The following STXBP5L variants were observed in gnomAD, a reference collection of about 807,000 sequenced individuals.
The protein encoded by STXBP5L is syntaxin binding protein 5L.
In STXBP5L, 65 loss-of-function variants were observed where a neutral mutation model predicts 144.5. The observed-to-expected ratio is 0.45, with a 90% CI of 0.37 to 0.55. The LOEUF (loss-of-function observed/expected upper bound fraction) is 0.55, where lower values mean the gene tolerates loss of function less well. Ranked by LOEUF, STXBP5L falls within the 20% of genes least tolerant of loss-of-function variation. STXBP5L has a pLI of 0.00. For synonymous variants in STXBP5L, 505 were observed against 469.6 expected, an observed-to-expected ratio of 1.08 and a Z score of -0.97; for missense variants, 1,298 against 1,405.5, an observed-to-expected ratio of 0.92 and a Z score of 1.22.
At chr3:121,045,389 T>C (rs371455104) in intron 4 of STXBP5L, 46 bp from the exon 5 acceptor site, 10 of 1,535,588 alleles carry the variant, frequency 6.5e-6, no homozygotes, top group East Asian at 2.3e-5. Flanking sequence ...AAAAAAACCC[T>C]AAATTAAGTA....
At chr3:120,944,872 C>A (rs1255341077) in intron 2 of STXBP5L, among the ~76,000 whole-genome samples, 1 of 151,682 alleles carries the variant, frequency 6.6e-6, no homozygotes, top group Non-Finnish European at 1.5e-5. Flanking sequence ...CTTTCAGTGA[C>A]CCAAGATGAC....
At chr3:121,412,207 T>C (rs966662246) in intron 23 of STXBP5L, among the ~76,000 whole-genome samples, 6 of 152,080 alleles carry the variant, frequency 3.9e-5, no homozygotes, top group Non-Finnish European at 5.9e-5. Context: ...GTAGGATCCA[T>C]TTCTGCCAGG....
chr3:121,296,158 G>T (rs377528326), intron 19 of STXBP5L, among the ~76,000 whole-genome samples: 2 of 152,114 alleles, frequency 1.3e-5, no homozygotes, highest in African/African-American at 4.8e-5. Flanking sequence ...TTCAAGTTTA[G>T]TAGCCAATTT....
At chr3:121,206,990 A>G (rs192533820) in intron 10 of STXBP5L, among the ~76,000 whole-genome samples, 1 of 152,194 alleles carries the variant, frequency 6.6e-6, no homozygotes, top group Admixed American at 6.5e-5. Context: ...AACATTTTAT[A>G]ATGTTTTCTT....
chr3:121,359,875 T>C (rs912552826), intron 20 of STXBP5L, among the ~76,000 whole-genome samples: 10 of 148,816 alleles, frequency 6.7e-5, no homozygotes, highest in African/African-American at 2.2e-4. Context: ...TGTACCTCTG[T>C]AGTATAATTT....
chr3:120,953,594 TC>T (rs974267400), intron 2 of STXBP5L, among the ~76,000 whole-genome samples: 2 of 151,070 alleles, frequency 1.3e-5, no homozygotes, highest in Non-Finnish European at 2.9e-5. Context: ...TGCTTTGGCC[TC>T]CCAAAGTGCT....
intron 12 of STXBP5L, among the ~76,000 whole-genome samples, chr3:121,237,817 A>G (rs1310149068): frequency 6.6e-6 from 1 of 152,170 alleles, no homozygotes. Flanking sequence ...AATGCAGCCA[A>G]ATTCTCTGCT....
rs1187269563 is a variant in STXBP5L, at chr3:121,034,818, G to T, written c.288-6882G>T. Reference sequence around the variant, plus strand: ...ATCCACACTATTTTCCACAGAGTTTGTACTAGTTTATTTTCCCACCAACAA... The same window carrying T: ...ATCCACACTATTTTCCACAGAGTTTTTACTAGTTTATTTTCCCACCAACAA... On this transcript the variant is annotated intron_variant, in intron 3 of 26. Coordinates refer to ENST00000471454, the MANE Select transcript of STXBP5L (RefSeq NM_001308330.2). 3.3e-5 allele frequency among the ~76,000 whole-genome samples: 5 copies of T among 152,050 alleles called. No homozygotes were observed. In the South Asian group the frequency reaches 8.3e-4, roughly 25 times the overall value.
At chr3:121,049,937 G>T (rs572779465) in intron 5 of STXBP5L, among the ~76,000 whole-genome samples, 2 of 152,230 alleles carry the variant, frequency 1.3e-5, no homozygotes, top group East Asian at 3.9e-4. Flanking sequence ...GAAATCTCCT[G>T]ATCCTGAGTC....
At chr3:121,038,926 G>T (rs1024788453) in intron 3 of STXBP5L, among the ~76,000 whole-genome samples, 2 of 151,684 alleles carry the variant, frequency 1.3e-5, no homozygotes, top group Non-Finnish European at 1.5e-5. Flanking sequence ...CTTAATTAAT[G>T]TTAGCATGGT....
At chr3:121,042,900 A>G (rs1399975358) in intron 4 of STXBP5L, among the ~76,000 whole-genome samples, 1 of 151,660 alleles carries the variant, frequency 6.6e-6, no homozygotes, top group African/African-American at 2.4e-5. Flanking sequence ...ACTGCTCATT[A>G]TTATCTAGAA....
intron 10 of STXBP5L, among the ~76,000 whole-genome samples, chr3:121,206,389 G>C (rs542409007): frequency 6.6e-6 from 1 of 152,136 alleles, no homozygotes; most frequent in African/African-American, 2.4e-5. Flanking sequence ...ACATTCTGAA[G>C]TTGGAAGATT....
intron 17 of STXBP5L, among the ~76,000 whole-genome samples, chr3:121,258,046 T>G (rs1167008623): frequency 6.6e-6 from 1 of 152,216 alleles, no homozygotes; most frequent in Non-Finnish European, 1.5e-5. Flanking sequence ...GAAAAAAGGA[T>G]TTCTCTCATG....
At chr3:121,210,818 G>A (rs1242158471) in intron 10 of STXBP5L, among the ~76,000 whole-genome samples, 2 of 152,176 alleles carry the variant, frequency 1.3e-5, no homozygotes, top group Non-Finnish European at 2.9e-5. Flanking sequence ...GTACCATGCT[G>A]TTTTGGTTAC....
intron 3 of STXBP5L, among the ~76,000 whole-genome samples, chr3:120,969,846 G>T (rs1438080744): frequency 6.6e-6 from 1 of 151,932 alleles, no homozygotes; most frequent in Non-Finnish European, 1.5e-5. Flanking sequence ...TTTTCTGGTT[G>T]TTTTGTAGAT....
At chr3:120,979,137 C>G (rs1941449901) in intron 3 of STXBP5L, among the ~76,000 whole-genome samples, 1 of 152,228 alleles carries the variant, frequency 6.6e-6, no homozygotes, top group South Asian at 2.1e-4. Context: ...TTGTCTGTGC[C>G]TTGCCACCAG....
At chr3:121,376,242 T>C (rs980425715) in intron 20 of STXBP5L, among the ~76,000 whole-genome samples, 4 of 152,200 alleles carry the variant, frequency 2.6e-5, no homozygotes, top group African/African-American at 7.2e-5. Context: ...ATACAGCTAG[T>C]AAGTGGCAGA....
At chr3:121,111,146 A>C (rs1055467727) in intron 5 of STXBP5L, among the ~76,000 whole-genome samples, 2 of 152,106 alleles carry the variant, frequency 1.3e-5, no homozygotes, top group African/African-American at 2.4e-5. Flanking sequence ...GTAATGTTTT[A>C]TCATGGTTAT....
intron 5 of STXBP5L, among the ~76,000 whole-genome samples, chr3:121,063,425 A>T (rs917798122): frequency 6.6e-6 from 1 of 152,110 alleles, no homozygotes; most frequent in African/African-American, 2.4e-5. Context: ...TGTATGAGGT[A>T]TCTGTCAACC....
Sources: allele counts gnomAD v4.1 joint callset (sites outside exome capture counted in the v4.1 genomes callset), GRCh38; gene constraint gnomAD v4.1.1; transcripts MANE v1.5; gene names NCBI Gene and HGNC (gene_info 2026-07-23, HGNC 2026-07-21).